JAKMIP1: variants seen among roughly 807,000 people sequenced by gnomAD.
The protein encoded by JAKMIP1 is janus kinase and microtubule-interacting protein 1.
In JAKMIP1, 33 loss-of-function variants were observed where a neutral mutation model predicts 113.0. That is an observed-to-expected ratio of 0.29 (90% CI 0.22 to 0.39). The LOEUF is 0.39. Among genes scored for constraint, JAKMIP1 ranks in the 10% least tolerant of loss-of-function variants. JAKMIP1 has a pLI of 1.00. For missense variants in JAKMIP1, 813 were observed against 1,080.5 expected, an observed-to-expected ratio of 0.75 and a Z score of 3.47; for synonymous variants, 480 against 459.9, an observed-to-expected ratio of 1.04 and a Z score of -0.56.
At chr4:6,045,546 T>G (rs1714874831) in intron 16 of JAKMIP1, among the ~76,000 whole-genome samples, 1 of 152,154 alleles carries the variant, frequency 6.6e-6, no homozygotes, top group South Asian at 2.1e-4. Context: ...CATAGGACAT[T>G]CCTTCAGGTT....
At chr4:6,070,593 C>A (rs114367918) in intron 8 of JAKMIP1, among the ~76,000 whole-genome samples, 5,073 of 152,348 alleles carry the variant, frequency 0.033, 265 homozygotes, top group African/African-American at 0.11. Context: ...GGCACAGGCC[C>A]TGGGTCCCCA....
Position 6,093,205 on chromosome 4 carries a change from C to T in JAKMIP1, c.625-7576G>A, listed in dbSNP as rs979303421. On this transcript the variant is annotated intron_variant, in intron 3 of 20. Transcript: ENST00000409021. This position sits in a 1 kb window ranked among gnomAD's most constrained non-coding sequence, Gnocchi z 4.6. ...CTGCATCTACCCACAGAAGTGATCA[C>T]ATCCTCTTCTTTGTTGCTGCCTCTT... Among the ~76,000 whole-genome samples, 2 of 152,190 alleles carry T rather than the reference C, an allele frequency of 1.3e-5. No individual in the cohort carries two copies. Among genetic ancestry groups the T allele is most frequent in the Non-Finnish European group, 2.9e-5 (2 of 68,040 alleles).
intron 1 of JAKMIP1, among the ~76,000 whole-genome samples, chr4:6,169,398 A>C (rs1724056130): frequency 6.9e-6 from 1 of 145,046 alleles, no homozygotes; most frequent in African/African-American, 2.6e-5. Flanking sequence ...GCCTGGAGTG[A>C]CACAGCCACA....
rs2108874695 is a variant in JAKMIP1, at chr4:6,105,572, A to G, written c.525T>C (p.Ala175=). The change falls in exon 3 of 21, where the codon GCT becomes GCC. Residue 175 remains alanine, a synonymous_variant. Coordinates refer to ENST00000409021, the MANE Select transcript of JAKMIP1 (RefSeq NM_001099433.2). ...GCAGGTCGGCTGCCTTGGTCTTGTC[A>G]GCCTGCATGCAGTTACTGAGCGCCT... is the stretch of plus-strand genomic sequence containing the variant. ...AEEALSNCMQ[A]DKTKAADLRA... 6.2e-7 allele frequency: 1 copy of G among 1,601,186 alleles called. No homozygotes were observed. Among genetic ancestry groups the G allele is most frequent in the Non-Finnish European group, 8.5e-7 (1 of 1,174,042 alleles).
chr4:6,126,415 G>A (rs111066733), intron 1 of JAKMIP1, among the ~76,000 whole-genome samples: 51,072 of 92,020 alleles, frequency 0.56, 11,280 homozygotes, highest in African/African-American at 0.72. Flanking sequence ...AACATACACC[G>A]TACAGAAACA....
At chr4:6,196,212 T>C (rs1357787309) in intron 1 of JAKMIP1, among the ~76,000 whole-genome samples, 1 of 152,098 alleles carries the variant, frequency 6.6e-6, no homozygotes, top group Admixed American at 6.5e-5. Flanking sequence ...GCAAAAGTAA[T>C]GGCAAAAACC....
intron 1 of JAKMIP1, among the ~76,000 whole-genome samples, chr4:6,191,351 A>G (rs955441836): frequency 1.3e-5 from 2 of 152,300 alleles, no homozygotes; most frequent in East Asian, 1.9e-4. Context: ...AGGCCCTCAG[A>G]GAACTCATCA....
chr4:6,100,841 A>G (rs906683898), intron 3 of JAKMIP1, among the ~76,000 whole-genome samples: 1 of 152,138 alleles, frequency 6.6e-6, no homozygotes, highest in Non-Finnish European at 1.5e-5. Flanking sequence ...ACACCTTTTC[A>G]CATATTTGTT....
At chr4:6,170,633 C>T (rs201904728) in intron 1 of JAKMIP1, among the ~76,000 whole-genome samples, 2 of 149,248 alleles carry the variant, frequency 1.3e-5, no homozygotes, top group African/African-American at 5.0e-5. Context: ...AACATCAACA[C>T]CATCACCTCT....
At chr4:6,027,073 G>A (rs4689321) in intron 20 of JAKMIP1, among the ~76,000 whole-genome samples, 110,405 of 148,024 alleles carry the variant, frequency 0.75, 41,692 homozygotes, top group African/African-American at 0.83. Flanking sequence ...CTTATACAGA[G>A]AAAAAAAAAA....
At position 6,060,461 on chromosome 4, in the gene JAKMIP1, A is replaced by G; in HGVS notation, c.1607T>C (p.Ile536Thr). Residue 536 changes from isoleucine to threonine, a missense_variant, in exon 11 of 21, where the codon ATC becomes ACC. This residue lies in a region of JAKMIP1 where 273 missense variants were observed against 426.6 expected (regional missense o/e 0.64). Transcript: ENST00000409021. ...QADLLRCQAK[I>T]EDLEKLLVEK... ...AACCAGTAACTTCTCCAAATCTTCGATTTTGGCCTGACACCTCAGCAGATC... is the reference window on the plus strand; with the variant it reads ...AACCAGTAACTTCTCCAAATCTTCGGTTTTGGCCTGACACCTCAGCAGATC... The G allele has an allele frequency of 1.2e-6, 2 of 1,614,046 alleles. No individual in the cohort carries two copies. Among genetic ancestry groups the G allele is most frequent in the Non-Finnish European group, 1.7e-6 (2 of 1,179,938 alleles).
chr4:6,126,245 GGAGAAACACACACACA>G (rs1717571342), intron 1 of JAKMIP1, among the ~76,000 whole-genome samples: 2 of 94,108 alleles, frequency 2.1e-5, no homozygotes, highest in Admixed American at 1.2e-4. Flanking sequence ...CACACACCAT[GGAGAAACACACACACA>G]CACAAACACA....
At position 6,162,207 on chromosome 4, in the gene JAKMIP1, G is replaced by A. The variant is rs1397925454; in HGVS notation, c.-148+38046C>T. Among the ~76,000 whole-genome samples the A allele has an allele frequency of 1.1e-4, 17 of 152,168 alleles. No homozygotes were observed. Among genetic ancestry groups the A allele is most frequent in the Non-Finnish European group, 1.3e-4 (9 of 68,022 alleles). On this transcript the variant is annotated intron_variant, in intron 1 of 20. Transcript: ENST00000409021. This position sits in a 1 kb window ranked among gnomAD's most constrained non-coding sequence, Gnocchi z 5.6. ...CTCGTCCCACTAGAGGGCAGTGGGA[G>A]CGACTGCAGACCACTGGTCTTATGA...
At position 6,064,723 on chromosome 4, in the gene JAKMIP1, C is replaced by T. The variant is rs1309473659; in HGVS notation, c.1431+157G>A. On this transcript the variant is annotated intron_variant, in intron 9 of 20. Transcript: ENST00000409021. This position sits in a 1 kb window ranked among gnomAD's most constrained non-coding sequence, Gnocchi z 4.3. ...CCCACAGCTGTGGGGCCCGCCTTCC[C>T]TTCACACCATTGGCTTTGATAATGC... 6.6e-6 allele frequency among the ~76,000 whole-genome samples: 1 copy of T among 152,142 alleles called. No homozygotes were observed. Among genetic ancestry groups the T allele is most frequent in the East Asian group, 1.9e-4 (1 of 5,180 alleles).
rs1008549717 is a variant in JAKMIP1 at position 6,094,897 on chromosome 4, T to C, written c.625-9268A>G. 6.6e-6 allele frequency among the ~76,000 whole-genome samples: 1 copy of C among 152,020 alleles called. No homozygotes were observed. The highest frequency in any genetic ancestry group is 2.1e-4 in the South Asian group (1 of 4,800). ...TATTCAGGAGGCTGAGGTGGGAGGA[T>C]TGCTTGAGCCTGGAAGGTAGAGGCT... is the stretch of plus-strand genomic sequence containing the variant. On this transcript the variant is annotated intron_variant, in intron 3 of 20. Coordinates refer to ENST00000409021, the MANE Select transcript of JAKMIP1 (RefSeq NM_001099433.2). The surrounding 1 kb of genome is among the most constrained non-coding windows in gnomAD (Gnocchi z 4.2).
intron 3 of JAKMIP1, among the ~76,000 whole-genome samples, chr4:6,087,999 T>C (rs1453613705): frequency 6.6e-6 from 1 of 152,178 alleles, no homozygotes; most frequent in Admixed American, 6.5e-5. Flanking sequence ...TCTTTAAACA[T>C]GCTGAAAACA....
At chr4:6,145,413 T>C (rs1720718614) in intron 1 of JAKMIP1, among the ~76,000 whole-genome samples, 1 of 152,188 alleles carries the variant, frequency 6.6e-6, no homozygotes, top group Admixed American at 6.5e-5. Flanking sequence ...TATTCATGCC[T>C]TGTCCCTGCA....
At chr4:6,131,008 T>C (rs541298651) in intron 1 of JAKMIP1, among the ~76,000 whole-genome samples, 2 of 151,638 alleles carry the variant, frequency 1.3e-5, no homozygotes, top group East Asian at 3.9e-4. Context: ...ACCCTGTCTC[T>C]ACAAAAAACA....
In JAKMIP1 at chr4:6,150,301, C is replaced by G. The variant is rs902199600; in HGVS notation, c.-147-37304G>C. 6.6e-6 allele frequency: 1 copy of G among 152,280 alleles called. No individual in the cohort carries two copies. The highest frequency in any genetic ancestry group is 2.4e-5 in the African/African-American group (1 of 41,448). 9.4% of individuals were successfully genotyped at this position (152,280 alleles called of 1,614,324 possible). On this transcript the variant is annotated intron_variant, in intron 1 of 20. Transcript: ENST00000409021. This position sits in a 1 kb window ranked among gnomAD's most constrained non-coding sequence, Gnocchi z 4.8. ...TGCCAGCTTCCCTCCCACCCAACCT[C>G]CCAGTACAGAGAAGGAGAAACACCT... is the stretch of plus-strand genomic sequence containing the variant.
Sources: gnomAD v4.1 joint callset for allele counts (sites outside exome capture counted in the v4.1 genomes callset) on GRCh38, gnomAD v4.1.1 for gene constraint, gnomAD v4.1.1 regional missense constraint, Gnocchi (gnomAD v3.1) non-coding constraint, MANE v1.5 for transcripts, NCBI Gene and HGNC (gene_info 2026-07-23, HGNC 2026-07-21) for gene names.